The following CUBN variants were observed in gnomAD, a reference collection of about 807,000 sequenced individuals.
CUBN encodes the protein cubilin.
CUBN carries 282 observed loss-of-function variants against 405.3 expected under a neutral mutation model. The ratio of observed to expected loss-of-function variants is 0.70; its 90% CI spans 0.63 to 0.77. The LOEUF is 0.77. CUBN is among the 30% of genes least tolerant of loss of function. The pLI, the probability that CUBN is intolerant of heterozygous loss-of-function variation, is 0.00. For synonymous variants in CUBN, 1,684 were observed against 1,617.0 expected (o/e 1.04, Z -0.99); for missense variants, 4,514 against 4,475.2 (o/e 1.01, Z -0.25).
chr10:17,017,916 T>C (rs1010777773), intron 28 of CUBN, among the ~76,000 whole-genome samples: 12 of 152,118 alleles, frequency 7.9e-5, no homozygotes, highest in African/African-American at 2.7e-4. Flanking sequence ...ATAGGATAGA[T>C]GGGCAAGTCT....
At chr10:17,064,977 T>G (rs1216905485) in intron 22 of CUBN, among the ~76,000 whole-genome samples, 1 of 152,226 alleles carries the variant, frequency 6.6e-6, no homozygotes, top group Non-Finnish European at 1.5e-5. Flanking sequence ...ATTCTGTTTC[T>G]AATTTCTTAA....
Position 17,103,164 on chromosome 10 carries a change from A to C in CUBN, c.1491T>G (p.Asp497Glu). 1 of 1,613,974 alleles carries C rather than the reference A, an allele frequency of 6.2e-7. No homozygotes were observed. The highest frequency in any genetic ancestry group is 8.5e-7 in the Non-Finnish European group (1 of 1,179,874). Residue 497 changes from aspartate (D) to glutamate (E), a missense_variant, in exon 13 of 67, where the codon GAT (aspartate) becomes GAG (glutamate). This residue lies in a region of CUBN where 1,448 missense variants were observed against 1,388.0 expected (regional missense o/e 1.04). Coordinates refer to ENST00000377833, the MANE Select transcript of CUBN (RefSeq NM_001081.4). Reference sequence around the variant, plus strand: ...TTTTGATAACCCAGAAGCAGTTAACATCATGAACATAACCAACATCCGGGC... The same window carrying C: ...TTTTGATAACCCAGAAGCAGTTAACCTCATGAACATAACCAACATCCGGGC... ...YRSPDVGYVH[D>E]VNCFWVIKTE...
At chr10:17,062,472 AT>A (rs1289726212) in intron 22 of CUBN, among the ~76,000 whole-genome samples, 1 of 152,220 alleles carries the variant, frequency 6.6e-6, no homozygotes, top group African/African-American at 2.4e-5. Context: ...AATGAGCAAA[AT>A]CTAATACGTT....
At chr10:16,909,540 G>A (rs1841662156) in intron 48 of CUBN, among the ~76,000 whole-genome samples, 1 of 152,146 alleles carries the variant, frequency 6.6e-6, no homozygotes, top group South Asian at 2.1e-4. Flanking sequence ...ACAGGAATGG[G>A]CACCACATTG....
intron 19 of CUBN, among the ~76,000 whole-genome samples, chr10:17,069,802 T>C (rs550250545): frequency 6.6e-6 from 1 of 152,342 alleles, no homozygotes; most frequent in African/African-American, 2.4e-5. Context: ...CCTTGACCTC[T>C]TAAAGTGCTG....
At chr10:17,124,828 TTTTG>T (rs575989006) in intron 4 of CUBN, among the ~76,000 whole-genome samples, 8 of 151,974 alleles carry the variant, frequency 5.3e-5, no homozygotes, top group Middle Eastern at 3.4e-3. Flanking sequence ...GGTATCGTTG[TTTTG>T]TTTGTTTGTT....
chr10:16,989,115 G>C (rs191597961), intron 29 of CUBN, among the ~76,000 whole-genome samples: 1 of 152,062 alleles, frequency 6.6e-6, no homozygotes, highest in East Asian at 1.9e-4. Context: ...CAAACATCTA[G>C]CCTCATGGAA....
At chr10:16,969,910 C>T (rs1315229094) in intron 31 of CUBN, among the ~76,000 whole-genome samples, 2 of 152,230 alleles carry the variant, frequency 1.3e-5, no homozygotes, top group Non-Finnish European at 2.9e-5. Context: ...GAAACCACCA[C>T]TGACGTCACT....
intron 66 of CUBN, among the ~76,000 whole-genome samples, chr10:16,827,058 A>AGT (rs1224781439): frequency 1.3e-5 from 2 of 152,152 alleles, no homozygotes; most frequent in Non-Finnish European, 2.9e-5. Flanking sequence ...CCCGTGATAC[A>AGT]GTGTCTGCTG....
intron 59 of CUBN, among the ~76,000 whole-genome samples, chr10:16,856,305 C>T (rs1039977027): frequency 1.3e-5 from 2 of 152,104 alleles, no homozygotes; most frequent in Non-Finnish European, 2.9e-5. Context: ...TCTGATGACA[C>T]ACCCTGCGTC....
intron 4 of CUBN, 85 bp from the exon 5 acceptor site, chr10:17,123,774 T>C: frequency 1.2e-6 from 1 of 860,310 alleles, no homozygotes; most frequent in South Asian, 1.4e-5. Context: ...GGATTACATT[T>C]AACTCTTAAT....
At chr10:16,981,224 G>A (rs940122473) in intron 31 of CUBN, among the ~76,000 whole-genome samples, 9 of 99,120 alleles carry the variant, frequency 9.1e-5, no homozygotes, top group East Asian at 2.6e-4. Context: ...GTGTCTGAAC[G>A]TCAAGAGGAG....
intron 59 of CUBN, among the ~76,000 whole-genome samples, chr10:16,857,191 A>T (rs2131347670): frequency 6.6e-6 from 1 of 152,302 alleles, no homozygotes; most frequent in African/African-American, 2.4e-5. Context: ...TTTTGTAATG[A>T]GGTTTTTTAT....
chr10:16,999,910 A>AG (rs1481165049), intron 28 of CUBN, among the ~76,000 whole-genome samples: 5 of 152,112 alleles, frequency 3.3e-5, no homozygotes, highest in African/African-American at 1.2e-4. Context: ...CTGCAGGGAG[A>AG]GGACTCCACC....
At chr10:17,019,264 C>G (rs1042471769) in intron 28 of CUBN, among the ~76,000 whole-genome samples, 1 of 152,168 alleles carries the variant, frequency 6.6e-6, no homozygotes, top group Admixed American at 6.5e-5. Flanking sequence ...GCTTCCTGAA[C>G]CACCAATTCG....
At position 17,019,991 on chromosome 10, in the gene CUBN, T is replaced by C. The variant is rs1319497053; in HGVS notation, c.4018-8A>G. 6.2e-7 allele frequency: 1 copy of C among 1,613,970 alleles called. No homozygotes were observed. The highest frequency in any genetic ancestry group is 2.2e-5 in the East Asian group (1 of 44,876). On this transcript the variant is annotated splice_polypyrimidine_tract_variant and splice_region_variant and intron_variant, in intron 27 of 66. Transcript: ENST00000377833. Reference sequence around the variant, plus strand: ...CCGTGGTCCATCATAGAGCTGAAATTGAAGAGAAACTTTCCCATATAAAAA... The same window carrying C: ...CCGTGGTCCATCATAGAGCTGAAATCGAAGAGAAACTTTCCCATATAAAAA...
At chr10:16,947,975 C>A (rs1264771773) in intron 35 of CUBN, among the ~76,000 whole-genome samples, 1 of 152,210 alleles carries the variant, frequency 6.6e-6, no homozygotes, top group Non-Finnish European at 1.5e-5. Context: ...CTTTGGGAGG[C>A]CGAGGCTGGT....
chr10:16,829,342 G>GAAAAAAAA (rs71287326), intron 65 of CUBN, among the ~76,000 whole-genome samples: 2 of 121,158 alleles, frequency 1.7e-5, no homozygotes, highest in African/African-American at 3.1e-5. Context: ...GAGCAGAATG[G>GAAAAAAAA]AAAAAAAAAA....
At chr10:17,122,428 G>A in intron 6 of CUBN, 1 of 367,422 alleles carries the variant, frequency 2.7e-6, no homozygotes, top group South Asian at 2.3e-5. Flanking sequence ...TGGTGTGGTG[G>A]GGTGTCCCCT....
Sources: gnomAD v4.1 joint callset for allele counts (sites outside exome capture counted in the v4.1 genomes callset) on GRCh38, gnomAD v4.1.1 for gene constraint, gnomAD v4.1.1 regional missense constraint, MANE v1.5 for transcripts, NCBI Gene and HGNC (gene_info 2026-07-23, HGNC 2026-07-21) for gene names.